Variants in SERINC5 observed in about 807,000 individuals in gnomAD.
SERINC5 encodes serine incorporator 5, also known as chromosome 5 open reading frame 12.
In SERINC5, 41 loss-of-function variants were observed where a neutral mutation model predicts 63.1. The observed-to-expected ratio is 0.65, with a 90% CI of 0.51 to 0.84. The LOEUF (loss-of-function observed/expected upper bound fraction) is 0.84. SERINC5 is among the 40% of genes least tolerant of loss of function. SERINC5 has a pLI of 0.00. For missense variants in SERINC5, 523 were observed against 573.0 expected (o/e 0.91, Z 0.89); for synonymous variants, 222 against 215.2 (o/e 1.03, Z -0.28).
rs151218431 is a variant in SERINC5 at position 80,147,042 on chromosome 5, C to T, written c.1093+203G>A. On this transcript the variant is annotated intron_variant, in intron 10 of 11. Coordinates refer to ENST00000507668, the MANE Select transcript of SERINC5 (RefSeq NM_001174072.3). ...ATTTAAACCAAAATTTGGACTGATT[C>T]TCTCTACCAGAATACCAACACAAAC... Among the ~76,000 whole-genome samples, 894 of 152,306 alleles carry T rather than the reference C, an allele frequency of 5.9e-3. 9 individuals are homozygous for T. Among genetic ancestry groups the T allele is most frequent in the African/African-American group, 0.02 (841 of 41,554 alleles).
At chr5:80,128,621 G>C (rs752523251) in intron 11 of SERINC5, among the ~76,000 whole-genome samples, 1 of 152,194 alleles carries the variant, frequency 6.6e-6, no homozygotes, top group Non-Finnish European at 1.5e-5. Flanking sequence ...CAGTTTCTGT[G>C]AAAGCAAATT....
At chr5:80,225,713 T>C (rs775466099) in intron 1 of SERINC5, among the ~76,000 whole-genome samples, 7 of 152,142 alleles carry the variant, frequency 4.6e-5, no homozygotes, top group Non-Finnish European at 8.8e-5. Context: ...CCCATGCACC[T>C]GTGTAATATG....
In SERINC5 at chr5:80,142,664, TC is replaced by T; in HGVS notation, c.*998del. 2 of 985,402 alleles carry T rather than the reference TC, an allele frequency of 2.0e-6. No homozygotes were observed. The highest frequency in any genetic ancestry group is 2.4e-6 in the Non-Finnish European group (2 of 829,934). The allele number at this position is 985,402 out of a possible 1,614,324, so 61.0% of individuals were successfully genotyped here. On this transcript the variant is annotated 3_prime_UTR_variant, in exon 12 of 12. Coordinates refer to ENST00000507668, the MANE Select transcript of SERINC5 (RefSeq NM_001174072.3). Reference sequence around the variant, plus strand: ...TACAGATCCAGAACACAAAACGACTTCCGCTTTTACAGTTTCAAAGGCCTCA... The same window carrying T: ...TACAGATCCAGAACACAAAACGACTTCGCTTTTACAGTTTCAAAGGCCTCA...
intron 1 of SERINC5, 98 bp downstream of exon 1, chr5:80,255,798 G>T: frequency 7.7e-7 from 1 of 1,296,308 alleles, no homozygotes; most frequent in South Asian, 1.3e-5. Context: ...ACGTTCGGCC[G>T]CGGAGCTGGG....
chr5:80,136,671 G>A (rs1367003727), downstream of SERINC5, among the ~76,000 whole-genome samples: 1 of 152,190 alleles, frequency 6.6e-6, no homozygotes. Context: ...ACAACCTACA[G>A]CATCAGAGAA....
rs70982026 is a variant in SERINC5 at position 80,164,910 on chromosome 5, G to GTTTTTTTTTT, written c.859+1463_859+1472dup. Among the ~76,000 whole-genome samples, 101 of 85,184 alleles carry GTTTTTTTTTT rather than the reference G, an allele frequency of 1.2e-3. 5 individuals carry two copies. The highest frequency in any genetic ancestry group is 4.3e-3 in the African/African-American group (88 of 20,462). 55.9% of individuals were successfully genotyped at this position (85,184 alleles called of 152,430 possible). A position where few individuals can be genotyped will look rare whatever the true frequency, so the allele number is the denominator to read the frequency against. On this transcript the variant is annotated intron_variant, in intron 7 of 11. Transcript: ENST00000507668. The stretch of plus-strand genomic sequence containing the variant: ...TGAAATTTAAAATAACTTTTTTTCT[G>GTTTTTTTTTT]TTTTTTTTTTTTTTTTTTTTTTGTA...
intron 11 of SERINC5, among the ~76,000 whole-genome samples, chr5:80,120,708 G>A (rs190598171): frequency 2.7e-4 from 41 of 151,934 alleles, no homozygotes; most frequent in Admixed American, 2.0e-3. Flanking sequence ...CCAGCTATTC[G>A]GGTGGCTGAG....
intron 1 of SERINC5, among the ~76,000 whole-genome samples, chr5:80,218,623 C>T (rs1470573685): frequency 1.3e-5 from 2 of 150,700 alleles, no homozygotes; most frequent in Non-Finnish European, 2.9e-5. Flanking sequence ...TGCAGTGAGC[C>T]GAGATCACGC....
chr5:80,177,228 C>T (rs983975441), intron 4 of SERINC5, 87 bp downstream of exon 4: 9 of 862,538 alleles, frequency 1.0e-5, no homozygotes, highest in Non-Finnish European at 1.7e-5. Context: ...TTCTAACTAT[C>T]AGAGGTACTT....
rs114578724 is a variant in SERINC5, at chr5:80,130,656, G to A, written c.1238+15434C>T. On this transcript the variant is annotated intron_variant, in intron 11 of 12. Coordinates refer to the SERINC5 transcript ENST00000509193. ...CTACCTAAGTATCACCCTTTCCTAT[G>A]TCCCATTCCCTAAATAGAGTTTAGA... is the stretch of plus-strand genomic sequence containing the variant. 9.1e-3 allele frequency among the ~76,000 whole-genome samples: 1,378 copies of A among 152,174 alleles called. 12 individuals are homozygous for A. Among genetic ancestry groups the A allele is most frequent in the Middle Eastern group, 0.017 (5 of 294 alleles).
intron 8 of SERINC5, among the ~76,000 whole-genome samples, chr5:80,156,357 AC>A (rs1317641307): frequency 6.6e-6 from 1 of 152,132 alleles, no homozygotes; most frequent in Non-Finnish European, 1.5e-5. Context: ...TCCCACCCCT[AC>A]AGCATTCCTT....
At chr5:80,134,260 C>T (rs566324558), downstream of SERINC5, among the ~76,000 whole-genome samples, 1 of 152,178 alleles carries the variant, frequency 6.6e-6, no homozygotes, top group African/African-American at 2.4e-5. Flanking sequence ...CCGAGGCAGG[C>T]AGATCATTTG....
chr5:80,120,388 C>T (rs911013306), intron 11 of SERINC5, among the ~76,000 whole-genome samples: 1 of 152,190 alleles, frequency 6.6e-6, no homozygotes, highest in Non-Finnish European at 1.5e-5. Context: ...TGGGGATCTA[C>T]AACATGGAAG....
chr5:80,161,911 G>T (rs921691401), intron 7 of SERINC5, among the ~76,000 whole-genome samples: 1 of 152,040 alleles, frequency 6.6e-6, no homozygotes, highest in African/African-American at 2.4e-5. Context: ...ACAGGGGTTC[G>T]GTAGGGGTTC....
At chr5:80,252,655 G>A (rs1752482303) in intron 1 of SERINC5, among the ~76,000 whole-genome samples, 1 of 152,120 alleles carries the variant, frequency 6.6e-6, no homozygotes. Context: ...AATAAGATTT[G>A]GGGGGTTCCT....
At chr5:80,200,346 C>CGTG (rs1749752219) in intron 2 of SERINC5, among the ~76,000 whole-genome samples, 1 of 148,310 alleles carries the variant, frequency 6.7e-6, no homozygotes, top group South Asian at 2.1e-4. Context: ...ATTAGCCAGG[C>CGTG]GTGGTGGCAG....
intron 1 of SERINC5, among the ~76,000 whole-genome samples, chr5:80,213,487 A>G (rs1414702630): frequency 1.3e-5 from 2 of 152,164 alleles, no homozygotes; most frequent in African/African-American, 4.8e-5. Flanking sequence ...ATTCTTCTCC[A>G]CTTACTGCTG....
intron 5 of SERINC5, among the ~76,000 whole-genome samples, chr5:80,172,812 A>G (rs1747750691): frequency 6.6e-6 from 1 of 152,206 alleles, no homozygotes; most frequent in Non-Finnish European, 1.5e-5. Flanking sequence ...GAGACGACCA[A>G]CGCTTCTATT....
At chr5:80,249,040 T>C (rs530105247) in intron 1 of SERINC5, among the ~76,000 whole-genome samples, 8 of 152,052 alleles carry the variant, frequency 5.3e-5, no homozygotes, top group African/African-American at 1.7e-4. Context: ...TCAGGCCGGG[T>C]ACGGTGGCTC....
Sources: allele counts gnomAD v4.1 joint callset (sites outside exome capture counted in the v4.1 genomes callset), GRCh38; gene constraint gnomAD v4.1.1; transcripts MANE v1.5; gene names NCBI Gene and HGNC (gene_info 2026-07-23, HGNC 2026-07-21).